The following RPS6KA2 variants were observed in gnomAD, a reference collection of about 807,000 sequenced individuals.
The protein encoded by RPS6KA2 is ribosomal protein S6 kinase alpha-2.
In RPS6KA2, 42 loss-of-function variants were observed where a neutral mutation model predicts 91.8. The ratio of observed to expected loss-of-function variants is 0.46; its 90% CI spans 0.36 to 0.59. The LOEUF is 0.59. Ranked by LOEUF, RPS6KA2 falls within the 20% of genes least tolerant of loss-of-function variation. The probability of loss-of-function intolerance (pLI) is 0.00; values close to 1 mark genes in which losing one functional copy is unlikely to be tolerated. For synonymous variants in RPS6KA2, 414 were observed against 393.6 expected (o/e 1.05, Z -0.61); for missense variants, 798 against 978.5 (o/e 0.82, Z 2.46).
intron 2 of RPS6KA2, among the ~76,000 whole-genome samples, chr6:166,722,333 G>C (rs1392013549): frequency 6.6e-6 from 1 of 152,228 alleles, no homozygotes. Context: ...AAAGCGTTTT[G>C]TAAGGCGGGT....
chr6:166,850,140 A>G (rs1391208413), intron 2 of RPS6KA2, among the ~76,000 whole-genome samples: 2 of 152,252 alleles, frequency 1.3e-5, no homozygotes, highest in African/African-American at 4.8e-5. Context: ...TATGACTCAC[A>G]TAAATTGCAA....
intron 10 of RPS6KA2, among the ~76,000 whole-genome samples, chr6:166,472,055 T>C (rs1226603892): frequency 6.6e-6 from 1 of 152,234 alleles, no homozygotes; most frequent in Non-Finnish European, 1.5e-5. Flanking sequence ...ACCAGAACTC[T>C]GGGTTGAAGA....
chr6:166,600,391 C>G (rs566504960), intron 1 of RPS6KA2, among the ~76,000 whole-genome samples: 7 of 152,346 alleles, frequency 4.6e-5, no homozygotes, highest in Non-Finnish European at 8.8e-5. Flanking sequence ...AGATGTTTAG[C>G]CAGGCAATGC....
chr6:166,541,452 TC>T (rs1211065142), intron 1 of RPS6KA2, among the ~76,000 whole-genome samples: 1 of 152,198 alleles, frequency 6.6e-6, no homozygotes, highest in Non-Finnish European at 1.5e-5. Flanking sequence ...GTCCCATGGG[TC>T]CTGGTCCCCT....
intron 2 of RPS6KA2, among the ~76,000 whole-genome samples, chr6:166,640,009 T>C (rs1357931975): frequency 6.6e-6 from 1 of 152,218 alleles, no homozygotes; most frequent in Non-Finnish European, 1.5e-5. Context: ...TTGGTCTACA[T>C]TATTATTTCT....
intron 2 of RPS6KA2, among the ~76,000 whole-genome samples, chr6:166,644,964 C>T (rs1787561413): frequency 6.6e-6 from 1 of 152,192 alleles, no homozygotes. Context: ...GGATTGCTGG[C>T]AACACCAGAA....
intron 1 of RPS6KA2, among the ~76,000 whole-genome samples, chr6:166,624,986 A>G (rs1786799073): frequency 6.6e-6 from 1 of 152,054 alleles, no homozygotes; most frequent in South Asian, 2.1e-4. Flanking sequence ...GGCACGCGCC[A>G]CCATGCCCAG....
At chr6:166,650,670 C>T (rs1787828668) in intron 2 of RPS6KA2, among the ~76,000 whole-genome samples, 1 of 152,240 alleles carries the variant, frequency 6.6e-6, no homozygotes, top group Non-Finnish European at 1.5e-5. Context: ...CTGAGTCAGG[C>T]TTGCCCAAGT....
intron 2 of RPS6KA2, among the ~76,000 whole-genome samples, chr6:166,693,871 G>C (rs1041464765): frequency 2.0e-5 from 3 of 152,196 alleles, no homozygotes; most frequent in African/African-American, 7.2e-5. Context: ...CTTAGGCACA[G>C]GTTACTCCTG....
At chr6:166,804,377 C>T (rs1287366490) in intron 2 of RPS6KA2, among the ~76,000 whole-genome samples, 2 of 151,320 alleles carry the variant, frequency 1.3e-5, no homozygotes, top group African/African-American at 4.9e-5. Flanking sequence ...TTTTTTAATA[C>T]AATCAAAGAT....
intron 2 of RPS6KA2, among the ~76,000 whole-genome samples, chr6:166,645,235 C>T (rs1787570949): frequency 6.6e-6 from 1 of 152,170 alleles, no homozygotes; most frequent in African/African-American, 2.4e-5. Context: ...ATAGCATCTA[C>T]AAGTATTCAC....
chr6:166,819,521 T>G (rs892943472), intron 2 of RPS6KA2, among the ~76,000 whole-genome samples: 4 of 152,186 alleles, frequency 2.6e-5, no homozygotes, highest in African/African-American at 9.6e-5. Context: ...GCAAGTACCG[T>G]GTTTTCCATC....
chr6:166,594,036 G>A (rs1476045), intron 1 of RPS6KA2, among the ~76,000 whole-genome samples: 8,045 of 152,076 alleles, frequency 0.053, 717 homozygotes, highest in African/African-American at 0.18. Flanking sequence ...GTTCAAGACC[G>A]TTCATCATAG....
At chr6:166,754,835 T>C (rs1477943212) in intron 2 of RPS6KA2, among the ~76,000 whole-genome samples, 1 of 152,200 alleles carries the variant, frequency 6.6e-6, no homozygotes, top group African/African-American at 2.4e-5. Flanking sequence ...TTGACCATTG[T>C]GGTCTCAGGG....
intron 1 of RPS6KA2, among the ~76,000 whole-genome samples, chr6:166,596,048 G>C (rs1048737149): frequency 1.3e-5 from 2 of 152,228 alleles, no homozygotes; most frequent in African/African-American, 4.8e-5. Flanking sequence ...GAAAGGGAAA[G>C]GCTTTCAATG....
At chr6:166,467,194 A>C (rs1328883994) in intron 11 of RPS6KA2, among the ~76,000 whole-genome samples, 3 of 149,384 alleles carry the variant, frequency 2.0e-5, no homozygotes, top group Non-Finnish European at 3.0e-5. Context: ...TCATTCACTC[A>C]CTCACTCATT....
intron 2 of RPS6KA2, among the ~76,000 whole-genome samples, chr6:166,815,249 TCTTTC>T (rs1303250739): frequency 6.6e-6 from 1 of 152,232 alleles, no homozygotes; most frequent in Non-Finnish European, 1.5e-5. Context: ...ATTTTTCATC[TCTTTC>T]ATTTCCCACA....
chr6:166,607,631 G>A (rs539299224), intron 1 of RPS6KA2, among the ~76,000 whole-genome samples: 2 of 152,148 alleles, frequency 1.3e-5, no homozygotes, highest in Non-Finnish European at 2.9e-5. Context: ...GGGGAAAAGG[G>A]GGACAGGGTT....
chr6:166,738,734 C>G (rs1790734994), intron 2 of RPS6KA2, among the ~76,000 whole-genome samples: 1 of 152,192 alleles, frequency 6.6e-6, no homozygotes, highest in African/African-American at 2.4e-5. Flanking sequence ...AGACAGCAAA[C>G]TTTCACATAG....
Sources: allele counts gnomAD v4.1 joint callset (sites outside exome capture counted in the v4.1 genomes callset), GRCh38; gene constraint gnomAD v4.1.1; transcripts MANE v1.5; gene names NCBI Gene and HGNC (gene_info 2026-07-23, HGNC 2026-07-21).